The following ARHGEF4 variants were observed in gnomAD, a reference collection of about 807,000 sequenced individuals.
ARHGEF4 encodes the protein Rho guanine nucleotide exchange factor 4.
A neutral mutation model predicts 162.0 loss-of-function variants in ARHGEF4; 119 were observed. The observed-to-expected ratio is 0.73, with a 90% CI of 0.63 to 0.86. The LOEUF (loss-of-function observed/expected upper bound fraction) is 0.86, where lower values mean the gene tolerates loss of function less well. Ranked by LOEUF, ARHGEF4 falls within the 40% of genes least tolerant of loss-of-function variation. The pLI is 0.00. For missense variants in ARHGEF4, 2,488 were observed against 2,456.0 expected (o/e 1.01, Z -0.28); for synonymous variants, 1,014 against 979.9 (o/e 1.03, Z -0.65).
intron 4 of ARHGEF4, among the ~76,000 whole-genome samples, chr2:130,951,613 T>A (rs1364099785): frequency 6.6e-6 from 1 of 152,198 alleles, no homozygotes; most frequent in African/African-American, 2.4e-5. Flanking sequence ...CTATTCCTTC[T>A]TTACTGTTTT....
At chr2:130,889,308 A>T (rs60843452) in intron 1 of ARHGEF4, among the ~76,000 whole-genome samples, 1 of 151,616 alleles carries the variant, frequency 6.6e-6, no homozygotes, top group African/African-American at 2.4e-5. Context: ...TGTATTTCTC[A>T]TCTGTGTTTT....
intron 4 of ARHGEF4, among the ~76,000 whole-genome samples, chr2:130,969,723 G>T (rs1438477033): frequency 6.6e-6 from 1 of 152,140 alleles, no homozygotes; most frequent in African/African-American, 2.4e-5. Flanking sequence ...ACAGACACAT[G>T]CAGGTAACTA....
chr2:130,907,688 C>A (rs192409575), intron 1 of ARHGEF4, among the ~76,000 whole-genome samples: 7 of 151,714 alleles, frequency 4.6e-5, no homozygotes, highest in East Asian at 2.0e-4. Flanking sequence ...GTGCGGTGGC[C>A]CACGCCTGTA....
chr2:130,996,087 A>G (rs1687372301), intron 4 of ARHGEF4, among the ~76,000 whole-genome samples: 1 of 152,030 alleles, frequency 6.6e-6, no homozygotes, highest in East Asian at 1.9e-4. Flanking sequence ...ACGGGGTTTC[A>G]CCATGTTGGT....
chr2:130,922,681 T>C (rs1359501673), intron 2 of ARHGEF4, among the ~76,000 whole-genome samples: 2 of 152,002 alleles, frequency 1.3e-5, no homozygotes, highest in Non-Finnish European at 1.5e-5. Context: ...GGTAGCTATT[T>C]AGCTGAGGGG....
At chr2:130,936,894 TTTTC>T (rs1682978439) in intron 3 of ARHGEF4, among the ~76,000 whole-genome samples, 1 of 124,844 alleles carries the variant, frequency 8.0e-6, no homozygotes, top group African/African-American at 2.9e-5. Flanking sequence ...TTTCTTTTTT[TTTTC>T]TTTTTTCTTT....
At chr2:131,025,524 A>G (rs1293654269) in intron 4 of ARHGEF4, among the ~76,000 whole-genome samples, 2 of 152,188 alleles carry the variant, frequency 1.3e-5, no homozygotes, top group Non-Finnish European at 2.9e-5. Context: ...TTGCCACCCC[A>G]GTCATCCTCC....
At chr2:130,895,191 G>A (rs1680086290) in intron 1 of ARHGEF4, among the ~76,000 whole-genome samples, 1 of 152,178 alleles carries the variant, frequency 6.6e-6, no homozygotes. Flanking sequence ...GCAGTGTGTG[G>A]CCTTTGGTGT....
rs775643996 is a variant in ARHGEF4 at position 131,044,350 on chromosome 2, G to C, written c.5209G>C (p.Gly1737Arg). 3.5e-4 allele frequency: 560 copies of C among 1,607,008 alleles called. No individual in the cohort carries two copies. The highest frequency in any genetic ancestry group is 4.7e-4 in the Non-Finnish European group (551 of 1,177,238). ...CTACAAGGGCCGGCTGGACATGGAC[G>C]GCCTGGAGGTGGTGGACCTGGAGGA... is the stretch of plus-strand genomic sequence containing the variant. ...LYYKGRLDMD[G>R]LEVVDLEDGK... Residue 1737 changes from glycine to arginine, a missense_variant, in exon 12 of 14, where the codon GGC (glycine) becomes CGC (arginine). Physicochemically the swap from Gly to Arg is moderately radical, Grantham distance 125. This residue lies in a region of ARHGEF4 where 415 missense variants were observed against 512.4 expected (regional missense o/e 0.81). Transcript: ENST00000409359.
chr2:131,039,971 G>T, intron 6 of ARHGEF4, 45 bp from the exon 7 acceptor site: 7 of 1,542,654 alleles, frequency 4.5e-6, no homozygotes, highest in Non-Finnish European at 6.1e-6. Flanking sequence ...GCGGGGCGTT[G>T]CTCCGAGGGA....
At chr2:130,870,957 G>A (rs1396090762) in intron 1 of ARHGEF4, among the ~76,000 whole-genome samples, 3 of 152,176 alleles carry the variant, frequency 2.0e-5, no homozygotes, top group Non-Finnish European at 4.4e-5. Flanking sequence ...ACTGAGGTTT[G>A]CGGAGGAAGT....
chr2:130,992,801 C>T (rs1573551552), intron 4 of ARHGEF4, among the ~76,000 whole-genome samples: 1 of 152,114 alleles, frequency 6.6e-6, no homozygotes, highest in African/African-American at 2.4e-5. Flanking sequence ...GTACAGACAT[C>T]GGCCAGGTTC....
intron 5 of ARHGEF4, among the ~76,000 whole-genome samples, chr2:131,030,098 C>T (rs1374832275): frequency 6.6e-6 from 1 of 152,222 alleles, no homozygotes; most frequent in East Asian, 1.9e-4. Context: ...TCATCCCAAC[C>T]AAAGCCCTCA....
intron 4 of ARHGEF4, among the ~76,000 whole-genome samples, chr2:130,988,469 A>C (rs1391365161): frequency 6.6e-6 from 1 of 152,234 alleles, no homozygotes; most frequent in Non-Finnish European, 1.5e-5. Context: ...TATTATTACC[A>C]AAGTAATGTA....
rs564746124 is a variant in ARHGEF4 at position 131,001,463 on chromosome 2, C to T, written c.3986-26482C>T. On this transcript the variant is annotated intron_variant, in intron 4 of 13. Transcript: ENST00000409359. ...ACAAATGTTCAACCTAACTGCCAAT[C>T]GAGAAGCAACAAGAGAAACCATTCC... Among the ~76,000 whole-genome samples, 11 of 152,216 alleles carry T rather than the reference C, an allele frequency of 7.2e-5. No individual in the cohort carries two copies. In the East Asian group the frequency reaches 1.9e-3, roughly 27 times the overall value.
chr2:130,850,571 A>T (rs564645443), intron 1 of ARHGEF4, among the ~76,000 whole-genome samples: 1 of 152,316 alleles, frequency 6.6e-6, no homozygotes, highest in Admixed American at 6.5e-5. Context: ...AGGTTCCCCC[A>T]GGTGGGCTGT....
At chr2:130,887,015 A>G (rs564936312) in intron 1 of ARHGEF4, among the ~76,000 whole-genome samples, 98 of 152,160 alleles carry the variant, frequency 6.4e-4, no homozygotes, top group African/African-American at 2.2e-3. Flanking sequence ...CACCAATGTC[A>G]CACTATCTTG....
intron 1 of ARHGEF4, among the ~76,000 whole-genome samples, chr2:130,846,432 C>A (rs905078577): frequency 8.5e-5 from 13 of 152,208 alleles, no homozygotes; most frequent in African/African-American, 3.1e-4. Context: ...CCCCGCTTGG[C>A]TGTGTAGCAT....
intron 2 of ARHGEF4, among the ~76,000 whole-genome samples, chr2:130,920,741 C>T (rs1681823435): frequency 1.3e-5 from 2 of 152,310 alleles, no homozygotes; most frequent in South Asian, 4.1e-4. Context: ...TTAAAACAAC[C>T]ATTCTTAATA....
Sources: allele counts gnomAD v4.1 joint callset (sites outside exome capture counted in the v4.1 genomes callset), GRCh38; gene constraint gnomAD v4.1.1; regional missense constraint gnomAD v4.1.1; transcripts MANE v1.5; gene names NCBI Gene and HGNC (gene_info 2026-07-23, HGNC 2026-07-21).